Variants in PRKCZ observed in about 807,000 individuals in gnomAD.
PRKCZ encodes protein kinase C zeta type.
Under a neutral mutation model 79.5 loss-of-function variants are expected in PRKCZ, and 33 were observed. That is an observed-to-expected ratio of 0.41 (90% confidence interval 0.31 to 0.55). The LOEUF (loss-of-function observed/expected upper bound fraction) is 0.55, where lower values mean the gene tolerates loss of function less well. PRKCZ is among the 20% of genes least tolerant of loss of function. The pLI is 0.19. For missense variants in PRKCZ, 578 were observed against 813.5 expected (o/e 0.71, Z 3.52); for synonymous variants, 342 against 320.9 (o/e 1.07, Z -0.70).
At chr1:2,121,634 A>AGTTAGGGTCATG (rs1671994161) in intron 4 of PRKCZ, among the ~76,000 whole-genome samples, 3 of 12,700 alleles carry the variant, frequency 2.4e-4, no homozygotes, top group African/African-American at 7.2e-4. Context: ...TTAGGGTCAC[A>AGTTAGGGTCATG]GTGGTAGTTA....
chr1:2,164,801 G>C (rs3128304), intron 10 of PRKCZ, among the ~76,000 whole-genome samples: 14,346 of 152,204 alleles, frequency 0.094, 727 homozygotes, highest in Middle Eastern at 0.12. Flanking sequence ...TGTCGTGGAG[G>C]GCAGCTGCCT....
chr1:2,095,144 C>T (rs572592741), intron 4 of PRKCZ, among the ~76,000 whole-genome samples: 30 of 152,164 alleles, frequency 2.0e-4, no homozygotes, highest in Admixed American at 3.3e-4. Flanking sequence ...CCAGATATGC[C>T]GTCTCCCTGG....
chr1:2,139,460 G>C (rs1223048933), intron 5 of PRKCZ, among the ~76,000 whole-genome samples: 2 of 152,066 alleles, frequency 1.3e-5, no homozygotes, highest in African/African-American at 4.8e-5. Flanking sequence ...CGTGGTGGTG[G>C]GTTCCTCTAA....
intron 4 of PRKCZ, among the ~76,000 whole-genome samples, chr1:2,114,161 AGGAGGACGCTCCGTCGTGGCCTG>A (rs1316279223): frequency 3.9e-5 from 3 of 76,308 alleles, no homozygotes; most frequent in African/African-American, 5.6e-5. Flanking sequence ...GCTTTTCTCC[AGGAGGACGCTCCGTCGTGGCCTG>A]GGAGGACGTG....
intron 9 of PRKCZ, 96 bp downstream of exon 9, chr1:2,151,074 C>A: frequency 1.4e-6 from 2 of 1,389,578 alleles, no homozygotes; most frequent in East Asian, 4.8e-5. Context: ...CACGAGAGAC[C>A]TAGCCTCACG....
chr1:2,119,086 GT>G (rs1411961933), intron 4 of PRKCZ, among the ~76,000 whole-genome samples: 8 of 151,690 alleles, frequency 5.3e-5, no homozygotes, highest in Admixed American at 1.3e-4. Flanking sequence ...GCTTTGTTAA[GT>G]AATACTTCTC....
intron 4 of PRKCZ, among the ~76,000 whole-genome samples, chr1:2,084,800 T>C (rs1664185888): frequency 1.3e-5 from 2 of 149,562 alleles, no homozygotes. Flanking sequence ...AGCTCAGGAG[T>C]TTTCAAGACC....
chr1:2,107,136 G>C (rs1213092425), intron 4 of PRKCZ, among the ~76,000 whole-genome samples: 1 of 152,234 alleles, frequency 6.6e-6, no homozygotes, highest in Non-Finnish European at 1.5e-5. Context: ...TCGGGGTTCT[G>C]CGTCTGTGAC....
chr1:2,069,125 G>C (rs1661356541), intron 4 of PRKCZ, among the ~76,000 whole-genome samples: 1 of 152,204 alleles, frequency 6.6e-6, no homozygotes, highest in South Asian at 2.1e-4. Flanking sequence ...TAGTGTTCCA[G>C]CAACACCCCA....
chr1:2,110,223 C>T (rs1253342240), intron 4 of PRKCZ, among the ~76,000 whole-genome samples: 1 of 149,764 alleles, frequency 6.7e-6, no homozygotes, highest in Non-Finnish European at 1.5e-5. Flanking sequence ...GGGGCCCTCC[C>T]TGGGGGCAGC....
At chr1:2,135,881 T>C (rs1232561146) in intron 5 of PRKCZ, among the ~76,000 whole-genome samples, 1 of 152,190 alleles carries the variant, frequency 6.6e-6, no homozygotes, top group Non-Finnish European at 1.5e-5. Flanking sequence ...CTAGTTCCTA[T>C]GAAATGGGTG....
At position 2,076,615 on chromosome 1, in the gene PRKCZ, G is replaced by A. The variant is rs146551864; in HGVS notation, c.334+17024G>A. ...AAATTAGCTGGGCGTGGTGGTGAGC[G>A]CCTGTAATCCCAGCCATTCAGGGGG... On this transcript the variant is annotated intron_variant, in intron 4 of 17. Transcript: ENST00000378567. Among the ~76,000 whole-genome samples the A allele has an allele frequency of 5.5e-3, 836 of 152,068 alleles. 51 individuals carry two copies. The East Asian group carries it at 0.13, about 24-fold the overall frequency.
intron 9 of PRKCZ, 121 bp from the exon 10 acceptor site, chr1:2,155,874 C>T (rs990605464): frequency 3.6e-6 from 3 of 836,068 alleles, no homozygotes; most frequent in African/African-American, 3.4e-5. Flanking sequence ...GTTTTCTTTT[C>T]CTGTCTGCAT....
At chr1:2,182,074 G>C (rs1686718144) in intron 16 of PRKCZ, 1 of 317,760 alleles carries the variant, frequency 3.1e-6, no homozygotes, top group African/African-American at 2.2e-5. Flanking sequence ...GGATTTGTCT[G>C]TTTTGTGGCA....
chr1:2,068,361 T>C (rs1661296730), intron 4 of PRKCZ, among the ~76,000 whole-genome samples: 1 of 152,256 alleles, frequency 6.6e-6, no homozygotes, highest in Admixed American at 6.5e-5. Flanking sequence ...GCTGGCTTTC[T>C]TGGGAGGCTT....
chr1:2,132,203 T>C (rs1251932933), intron 4 of PRKCZ, among the ~76,000 whole-genome samples: 1 of 152,224 alleles, frequency 6.6e-6, no homozygotes, highest in African/African-American at 2.4e-5. Context: ...TTTTGGTGTT[T>C]CTAAGACACC....
chr1:2,085,765 G>A (rs1303563266), intron 4 of PRKCZ, among the ~76,000 whole-genome samples: 1 of 150,940 alleles, frequency 6.6e-6, no homozygotes, highest in Non-Finnish European at 1.5e-5. Context: ...ACGTCGGGGG[G>A]CCCTGTTCTC....
chr1:2,065,390 T>C (rs1661035666), intron 4 of PRKCZ, among the ~76,000 whole-genome samples: 1 of 152,134 alleles, frequency 6.6e-6, no homozygotes, highest in African/African-American at 2.4e-5. Flanking sequence ...ATAAAAGTGG[T>C]GTGATCGGCC....
chr1:2,093,856 G>T (rs550910194), intron 4 of PRKCZ, among the ~76,000 whole-genome samples: 1 of 152,162 alleles, frequency 6.6e-6, no homozygotes, highest in Non-Finnish European at 1.5e-5. Context: ...GGCACGGGAC[G>T]AGCCGAGGAT....
Sources: allele counts gnomAD v4.1 joint callset (sites outside exome capture counted in the v4.1 genomes callset), GRCh38; gene constraint gnomAD v4.1.1; transcripts MANE v1.5; gene names NCBI Gene and HGNC (gene_info 2026-07-23, HGNC 2026-07-21).